The following TMCC1 variants were observed in gnomAD, a reference collection of about 807,000 sequenced individuals.
TMCC1 encodes the protein transmembrane and coiled-coil domains protein 1.
A neutral mutation model predicts 52.4 loss-of-function variants in TMCC1; 15 were observed. That is an observed-to-expected ratio of 0.29 (90% CI 0.19 to 0.44). TMCC1 has a LOEUF of 0.44. Ranked by LOEUF, TMCC1 falls within the 20% of genes least tolerant of loss-of-function variation. The pLI is 1.00. For missense variants in TMCC1, 503 were observed against 806.0 expected, an observed-to-expected ratio of 0.62 and a Z score of 4.55; for synonymous variants, 279 against 301.9, an observed-to-expected ratio of 0.92 and a Z score of 0.79.
chr3:129,651,860 C>T lies in TMCC1; in HGVS notation c.1648-65G>A. 1 of 1,528,426 alleles carries T rather than the reference C, an allele frequency of 6.5e-7. No individual in the cohort carries two copies. The highest frequency in any genetic ancestry group is 8.8e-7 in the Non-Finnish European group (1 of 1,139,042). The allele number at this position is 1,528,426 out of a possible 1,614,324, so 94.7% of individuals were successfully genotyped here. A position where few individuals can be genotyped will look rare whatever the true frequency, so the allele number is the denominator to read the frequency against. ...CAAGTATTCTGAGATGCTGACATGC[C>T]CCCTGGGCAAGCCAGATGCATCTTG... is the stretch of plus-strand genomic sequence containing the variant. On this transcript the variant is annotated intron_variant, in intron 6 of 6. Transcript: ENST00000393238. The surrounding 1 kb of genome is among the most constrained non-coding windows in gnomAD (Gnocchi z 5.1).
intron 4 of TMCC1, among the ~76,000 whole-genome samples, chr3:129,729,523 G>A (rs564085005): frequency 6.6e-6 from 1 of 152,054 alleles, no homozygotes; most frequent in African/African-American, 2.4e-5. Context: ...CTCAATAAAT[G>A]AACTGTGAGA....
At chr3:129,834,950 T>C (rs1312239124) in intron 2 of TMCC1, among the ~76,000 whole-genome samples, 1 of 152,202 alleles carries the variant, frequency 6.6e-6, no homozygotes, top group Non-Finnish European at 1.5e-5. Flanking sequence ...TTTTAGCAAA[T>C]CCTATGGGCT....
At chr3:129,809,212 A>C (rs1401504043) in intron 4 of TMCC1, among the ~76,000 whole-genome samples, 2 of 141,514 alleles carry the variant, frequency 1.4e-5, no homozygotes, top group Admixed American at 1.6e-4. Context: ...GCGCCACTGC[A>C]CTCCAGCCTA....
intron 4 of TMCC1, among the ~76,000 whole-genome samples, chr3:129,724,868 C>CT (rs2049948252): frequency 6.6e-6 from 1 of 152,104 alleles, no homozygotes; most frequent in South Asian, 2.1e-4. Flanking sequence ...GAAAACTGTA[C>CT]TACAGCACTA....
At chr3:129,788,735 TG>T (rs1253050887) in intron 4 of TMCC1, among the ~76,000 whole-genome samples, 3 of 152,264 alleles carry the variant, frequency 2.0e-5, no homozygotes, top group African/African-American at 7.2e-5. Context: ...TCCAAAGTGC[TG>T]GGATTACAGG....
At chr3:129,814,097 G>A (rs1353800552) in intron 4 of TMCC1, among the ~76,000 whole-genome samples, 1 of 150,776 alleles carries the variant, frequency 6.6e-6, no homozygotes, top group Non-Finnish European at 1.5e-5. Flanking sequence ...CATTTCCTAT[G>A]TGGAAATGGC....
chr3:129,784,553 G>A (rs1476087567), intron 4 of TMCC1, among the ~76,000 whole-genome samples: 1 of 149,210 alleles, frequency 6.7e-6, no homozygotes, highest in Non-Finnish European at 1.5e-5. Flanking sequence ...GTGACAGAGC[G>A]AGACTCCGTC....
At chr3:129,695,570 A>C (rs1348166385) in intron 4 of TMCC1, among the ~76,000 whole-genome samples, 1 of 152,112 alleles carries the variant, frequency 6.6e-6, no homozygotes, top group Non-Finnish European at 1.5e-5. Context: ...AAAAGGGGGA[A>C]AGCCCCTTTT....
intron 4 of TMCC1, among the ~76,000 whole-genome samples, chr3:129,683,877 T>C (rs2089205199): frequency 6.6e-6 from 1 of 152,224 alleles, no homozygotes; most frequent in Non-Finnish European, 1.5e-5. Flanking sequence ...CAAGTTTCTG[T>C]CCTTTAAAAA....
At chr3:129,688,626 AT>A (rs1439398314) in intron 4 of TMCC1, 30 of 985,474 alleles carry the variant, frequency 3.0e-5, no homozygotes, top group Non-Finnish European at 3.4e-5. Flanking sequence ...AGCTTTCTAT[AT>A]CTGGGAGCCT....
At chr3:129,690,415 T>C (rs1471911000) in intron 4 of TMCC1, among the ~76,000 whole-genome samples, 1 of 152,196 alleles carries the variant, frequency 6.6e-6, no homozygotes, top group African/African-American at 2.4e-5. Context: ...GTAGGTACAG[T>C]ATTTAATCTT....
intron 6 of TMCC1, among the ~76,000 whole-genome samples, chr3:129,652,611 A>G (rs1436375123): frequency 6.6e-6 from 1 of 152,242 alleles, no homozygotes; most frequent in African/African-American, 2.4e-5. Flanking sequence ...AGTTTTTAAA[A>G]AAATTAACTG....
chr3:129,840,723 T>C (rs1197251727), intron 2 of TMCC1, among the ~76,000 whole-genome samples: 2 of 152,232 alleles, frequency 1.3e-5, no homozygotes, highest in African/African-American at 2.4e-5. Flanking sequence ...CCTGCTGCCA[T>C]GTAAGACATG....
At chr3:129,772,830 A>C (rs1395568698) in intron 4 of TMCC1, among the ~76,000 whole-genome samples, 1 of 152,126 alleles carries the variant, frequency 6.6e-6, no homozygotes, top group Non-Finnish European at 1.5e-5. Context: ...ATAAATTAAA[A>C]TTACACTGAG....
intron 4 of TMCC1, among the ~76,000 whole-genome samples, chr3:129,726,526 G>A (rs766608523): frequency 4.0e-5 from 6 of 151,738 alleles, no homozygotes; most frequent in South Asian, 4.2e-4. Flanking sequence ...AGAATTATAC[G>A]GACTCTACTT....
chr3:129,660,115 T>C (rs566137333), intron 5 of TMCC1, among the ~76,000 whole-genome samples: 1 of 152,336 alleles, frequency 6.6e-6, no homozygotes, highest in Non-Finnish European at 1.5e-5. Context: ...CACTGTTCAC[T>C]GATTCCCACT....
At chr3:129,731,385 C>T (rs1016277450) in intron 4 of TMCC1, among the ~76,000 whole-genome samples, 1 of 152,210 alleles carries the variant, frequency 6.6e-6, no homozygotes, top group Non-Finnish European at 1.5e-5. Context: ...TGAGACCAGT[C>T]TAGCCAACAT....
rs778831780 is a variant in TMCC1, at chr3:129,751,580, C to T, written c.576+76223G>A. Among the ~76,000 whole-genome samples, 9 of 150,148 alleles carry T rather than the reference C, an allele frequency of 6.0e-5. No homozygotes were observed. In the East Asian group the frequency reaches 8.0e-4, roughly 13 times the overall value. On this transcript the variant is annotated intron_variant, in intron 4 of 6. Coordinates refer to ENST00000393238, the MANE Select transcript of TMCC1 (RefSeq NM_001017395.5). ...CACAATAGTATCTTTTTTTCCCCTC[C>T]GAGACAGAGTCTTGCTCTGTCACCC... is the stretch of plus-strand genomic sequence containing the variant.
chr3:129,781,936 A>AT (rs2055567985), intron 4 of TMCC1, among the ~76,000 whole-genome samples: 1 of 152,270 alleles, frequency 6.6e-6, no homozygotes, highest in African/African-American at 2.4e-5. Flanking sequence ...AGCCAAGATA[A>AT]TTTGCTGATA....
Sources: allele counts gnomAD v4.1 joint callset (sites outside exome capture counted in the v4.1 genomes callset), GRCh38; gene constraint gnomAD v4.1.1; non-coding constraint Gnocchi (gnomAD v3.1); transcripts MANE v1.5; gene names NCBI Gene and HGNC (gene_info 2026-07-23, HGNC 2026-07-21).